Variants in STEAP1B observed in about 807,000 individuals in gnomAD.
STEAP1B encodes STEAP family member 1B.
A neutral mutation model predicts 27.9 loss-of-function variants in STEAP1B; 13 were observed. That is an observed-to-expected ratio of 0.47 (90% CI 0.30 to 0.74). STEAP1B has a LOEUF of 0.74. Among genes scored for constraint, STEAP1B ranks in the 30% least tolerant of loss-of-function variants. The pLI is 0.06. For missense variants in STEAP1B, 250 were observed against 298.7 expected (o/e 0.84, Z 1.20); for synonymous variants, 86 against 107.1 (o/e 0.80, Z 1.22).
chr7:22,422,748 G>A (rs1419963183), intron 4 of STEAP1B, among the ~76,000 whole-genome samples: 2 of 152,088 alleles, frequency 1.3e-5, no homozygotes, highest in African/African-American at 4.8e-5. Flanking sequence ...ACCTGCCTCG[G>A]CCTCCTAAAT....
chr7:22,498,546 T>C (rs1481773489), intron 1 of STEAP1B, among the ~76,000 whole-genome samples: 1 of 152,188 alleles, frequency 6.6e-6, no homozygotes, highest in African/African-American at 2.4e-5. Context: ...ATGAATTCAG[T>C]AACTATATTG....
Position 22,456,972 on chromosome 7 carries a change from A to ATATATATATATTTT in STEAP1B, c.762+35592_762+35593insAAAATATATATATA. On this transcript the variant is annotated intron_variant, in intron 4 of 4. Transcript: ENST00000678116. Reference sequence around the variant, plus strand: ...GGCAGCTATATATATATATATATATATTTTTTTTTTTTTTAAGTATCCTGG... The same window carrying ATATATATATATTTT: ...GGCAGCTATATATATATATATATATATATATATATATTTTTTTTTTTTTTTTTTAAGTATCCTGG... Among the ~76,000 whole-genome samples the ATATATATATATTTT allele has an allele frequency of 4.0e-4, 23 of 57,082 alleles. 1 individual carries two copies. The highest frequency in any genetic ancestry group is 1.5e-3 in the African/African-American group (22 of 14,280). 37.4% of individuals were successfully genotyped at this position (57,082 alleles called of 152,430 possible). A position where few individuals can be genotyped will look rare whatever the true frequency, so the allele number is the denominator to read the frequency against.
chr7:22,448,113 AC>A (rs1357825845), intron 4 of STEAP1B, among the ~76,000 whole-genome samples: 1 of 152,164 alleles, frequency 6.6e-6, no homozygotes, highest in African/African-American at 2.4e-5. Context: ...AACATTGTTT[AC>A]TCTCATATCT....
chr7:22,455,518 T>G (rs1460063908), intron 4 of STEAP1B, among the ~76,000 whole-genome samples: 1 of 152,236 alleles, frequency 6.6e-6, no homozygotes, highest in Non-Finnish European at 1.5e-5. Context: ...TGTTAGATAT[T>G]TGGATACCCT....
At chr7:22,426,743 G>C (rs1785112432) in intron 4 of STEAP1B, among the ~76,000 whole-genome samples, 1 of 152,204 alleles carries the variant, frequency 6.6e-6, no homozygotes, top group Non-Finnish European at 1.5e-5. Context: ...ATAGAGCAGT[G>C]AACACAGCAA....
At chr7:22,462,158 C>T (rs898721346) in intron 4 of STEAP1B, among the ~76,000 whole-genome samples, 1 of 152,154 alleles carries the variant, frequency 6.6e-6, no homozygotes, top group Non-Finnish European at 1.5e-5. Context: ...TTTTTACTCT[C>T]CCCTAGCTTC....
chr7:22,461,600 TTGAC>T, intron 4 of STEAP1B, among the ~76,000 whole-genome samples: 1 of 152,296 alleles, frequency 6.6e-6, no homozygotes, highest in South Asian at 2.1e-4. Context: ...GCTCCAGCGT[TTGAC>T]TGACCTTCCC....
chr7:22,463,362 T>C (rs1461081608), intron 4 of STEAP1B, among the ~76,000 whole-genome samples: 2 of 152,090 alleles, frequency 1.3e-5, no homozygotes, highest in Non-Finnish European at 2.9e-5. Context: ...ATCAATATCA[T>C]GAAAATGGCC....
intron 4 of STEAP1B, among the ~76,000 whole-genome samples, chr7:22,445,744 A>C (rs999833761): frequency 2.0e-5 from 3 of 152,226 alleles, no homozygotes; most frequent in Non-Finnish European, 2.9e-5. Flanking sequence ...CTTTAAACTC[A>C]AAGTCAGAGC....
Position 22,493,459 on chromosome 7 carries a change from C to G in STEAP1B, c.462G>C (p.Leu154Phe). 2 of 1,613,490 alleles carry G rather than the reference C, an allele frequency of 1.2e-6. No individual in the cohort carries two copies. The highest frequency in any genetic ancestry group is 1.7e-6 in the Non-Finnish European group (2 of 1,179,478). ...GCTTTCTTGTTAACATCCACTTATC[C>G]AACCAATGTGGAAACTTCTTATACT... ...GTKYKKFPHW[L>F]DKWMLTRKQF... The change falls in exon 3 of 5, where the codon TTG becomes TTC. Residue 154 changes from leucine to phenylalanine, a missense_variant. Coordinates refer to ENST00000678116, the MANE Select transcript of STEAP1B (RefSeq NM_001382447.1).
At chr7:22,486,229 C>T (rs1052570678) in intron 4 of STEAP1B, among the ~76,000 whole-genome samples, 1 of 152,130 alleles carries the variant, frequency 6.6e-6, no homozygotes, top group Admixed American at 6.5e-5. Flanking sequence ...AAGTCGCTTG[C>T]GTTCACAGAA....
At chr7:22,496,230 T>C (rs1032651178) in intron 1 of STEAP1B, among the ~76,000 whole-genome samples, 1 of 152,154 alleles carries the variant, frequency 6.6e-6, no homozygotes, top group African/African-American at 2.4e-5. Flanking sequence ...GGAGTAAGTA[T>C]ATAAACAAAG....
At chr7:22,434,344 T>TGTCA in intron 4 of STEAP1B, among the ~76,000 whole-genome samples, 1 of 152,196 alleles carries the variant, frequency 6.6e-6, no homozygotes, top group East Asian at 1.9e-4. Context: ...GGCAAATGAG[T>TGTCA]GTCACATCGC....
intron 4 of STEAP1B, among the ~76,000 whole-genome samples, chr7:22,487,396 G>C (rs1786228641): frequency 6.6e-6 from 1 of 152,048 alleles, no homozygotes. Context: ...CATGATCACA[G>C]GTCTAACCCT....
At chr7:22,436,582 T>C (rs1404936540) in intron 4 of STEAP1B, among the ~76,000 whole-genome samples, 1 of 148,744 alleles carries the variant, frequency 6.7e-6, no homozygotes, top group Non-Finnish European at 1.5e-5. Context: ...TGTCCGTTTT[T>C]CCCCTCCTCG....
At chr7:22,480,465 T>C (rs1786049102) in intron 4 of STEAP1B, among the ~76,000 whole-genome samples, 2 of 152,208 alleles carry the variant, frequency 1.3e-5, no homozygotes, top group Admixed American at 1.3e-4. Context: ...GTACTGACAA[T>C]GCCCGGCTGC....
At chr7:22,488,099 A>G (rs1451680949) in intron 4 of STEAP1B, among the ~76,000 whole-genome samples, 2 of 152,086 alleles carry the variant, frequency 1.3e-5, no homozygotes, top group South Asian at 2.1e-4. Flanking sequence ...ACCACATCTG[A>G]AACAGGTGGC....
chr7:22,445,321 G>T (rs996341977), intron 4 of STEAP1B, among the ~76,000 whole-genome samples: 2 of 152,212 alleles, frequency 1.3e-5, no homozygotes, highest in African/African-American at 4.8e-5. Flanking sequence ...CCTGTAAACC[G>T]CATTGTATTT....
intron 1 of STEAP1B, among the ~76,000 whole-genome samples, chr7:22,498,870 A>G (rs1786487009): frequency 6.6e-6 from 1 of 152,218 alleles, no homozygotes; most frequent in South Asian, 2.1e-4. Flanking sequence ...ATTTGTCTGC[A>G]TGGTAAGGAG....
Sources: gnomAD v4.1 joint callset for allele counts (sites outside exome capture counted in the v4.1 genomes callset) on GRCh38, gnomAD v4.1.1 for gene constraint, MANE v1.5 for transcripts, NCBI Gene and HGNC (gene_info 2026-07-23, HGNC 2026-07-21) for gene names.